The following MARCHF11 variants were observed in gnomAD, a reference collection of about 807,000 sequenced individuals.
MARCHF11 encodes membrane associated ring-CH-type finger 11, also known as E3 ubiquitin-protein ligase MARCHF11.
In MARCHF11, 29 loss-of-function variants were observed where a neutral mutation model predicts 37.3. The observed-to-expected ratio is 0.78, with a 90% CI of 0.58 to 1.06. The LOEUF is 1.06. Ranked by LOEUF, MARCHF11 falls within the 50% of genes least tolerant of loss-of-function variation. The pLI, the probability that MARCHF11 is intolerant of heterozygous loss-of-function variation, is 0.00. For synonymous variants in MARCHF11, 233 were observed against 228.0 expected, an observed-to-expected ratio of 1.02 and a Z score of -0.20; for missense variants, 482 against 533.4, an observed-to-expected ratio of 0.90 and a Z score of 0.95.
At chr5:16,109,613 A>G (rs1737103784) in intron 2 of MARCHF11, among the ~76,000 whole-genome samples, 1 of 152,166 alleles carries the variant, frequency 6.6e-6, no homozygotes, top group South Asian at 2.1e-4. Flanking sequence ...TGTTTCTCTG[A>G]GCTCTGTGAA....
At chr5:16,149,821 G>T (rs1737862289) in intron 2 of MARCHF11, among the ~76,000 whole-genome samples, 1 of 151,988 alleles carries the variant, frequency 6.6e-6, no homozygotes, top group African/African-American at 2.4e-5. Flanking sequence ...TGCACCCGTG[G>T]TACATCCATA....
Position 16,112,856 on chromosome 5 carries a change from C to T in MARCHF11, c.694-21775G>A, listed in dbSNP as rs186465841. On this transcript the variant is annotated intron_variant, in intron 2 of 3. Transcript: ENST00000332432. The stretch of plus-strand genomic sequence containing the variant: ...TGGAGGTGGTTTCCCCCATACTGTT[C>T]TTGTGATAGTGACTAAGTCTCATGG... Among the ~76,000 whole-genome samples the T allele has an allele frequency of 3.1e-3, 465 of 152,184 alleles. 1 individual carries two copies. The highest frequency in any genetic ancestry group is 9.7e-3 in the African/African-American group (403 of 41,514).
chr5:16,135,019 CACACACACAT>C (rs1340527021), intron 2 of MARCHF11, among the ~76,000 whole-genome samples: 1 of 151,992 alleles, frequency 6.6e-6, no homozygotes, highest in African/African-American at 2.4e-5. Flanking sequence ...CACACACACA[CACACACACAT>C]GCAAACACGC....
chr5:16,140,441 C>T (rs1435325625), intron 2 of MARCHF11, among the ~76,000 whole-genome samples: 2 of 152,068 alleles, frequency 1.3e-5, no homozygotes, highest in African/African-American at 4.8e-5. Context: ...AGCTAATTGC[C>T]ACAAATGAAA....
intron 2 of MARCHF11, among the ~76,000 whole-genome samples, chr5:16,159,484 T>G (rs1440562903): frequency 1.3e-5 from 2 of 152,004 alleles, no homozygotes; most frequent in East Asian, 3.9e-4. Flanking sequence ...TCATATTCTC[T>G]GTGCATCAAA....
chr5:16,141,014 A>C (rs1737693159), intron 2 of MARCHF11: 1 of 152,334 alleles, frequency 6.6e-6, no homozygotes, highest in Admixed American at 6.6e-5. Context: ...TCCTAAAGTA[A>C]TGCTGAGGTC....
chr5:16,068,465 C>T (rs1315321520), intron 3 of MARCHF11, among the ~76,000 whole-genome samples: 1 of 152,274 alleles, frequency 6.6e-6, no homozygotes, highest in Non-Finnish European at 1.5e-5. Flanking sequence ...CAGAAACGTG[C>T]TCAAAAACAT....
chr5:16,124,972 T>C (rs1247118625), intron 2 of MARCHF11, among the ~76,000 whole-genome samples: 1 of 151,540 alleles, frequency 6.6e-6, no homozygotes, highest in Non-Finnish European at 1.5e-5. Context: ...CATTATTTTC[T>C]CTAGAAACAT....
intron 3 of MARCHF11, among the ~76,000 whole-genome samples, chr5:16,088,288 C>T (rs1309216534): frequency 6.6e-6 from 1 of 152,210 alleles, no homozygotes; most frequent in Non-Finnish European, 1.5e-5. Context: ...ATTCTAATCA[C>T]TTACTTACCT....
intron 3 of MARCHF11, among the ~76,000 whole-genome samples, chr5:16,083,049 A>G (rs11950274): frequency 0.029 from 4,465 of 152,262 alleles, 211 homozygotes; most frequent in African/African-American, 0.1. Flanking sequence ...AGTGGTAATC[A>G]AATGGTTGGA....
At chr5:16,132,537 A>T (rs1169925219) in intron 2 of MARCHF11, among the ~76,000 whole-genome samples, 1 of 152,194 alleles carries the variant, frequency 6.6e-6, no homozygotes, top group Admixed American at 6.5e-5. Flanking sequence ...TAAAAGGCAA[A>T]CTACCAGGAT....
At chr5:16,161,655 A>T (rs1234629775) in intron 2 of MARCHF11, among the ~76,000 whole-genome samples, 2 of 151,984 alleles carry the variant, frequency 1.3e-5, no homozygotes, top group African/African-American at 4.8e-5. Context: ...CCACACTGAT[A>T]AATGGAAGCC....
Position 16,097,945 on chromosome 5 carries a change from G to A in MARCHF11, c.694-6864C>T, listed in dbSNP as rs941226410. ...ACGGATGAGAAGAAATCCTCTACTA[G>A]ATATTAGCAAATTGAATCCAGCAAT... On this transcript the variant is annotated intron_variant, in intron 2 of 3. Coordinates refer to ENST00000332432, the MANE Select transcript of MARCHF11 (RefSeq NM_001102562.3). Among the ~76,000 whole-genome samples, 37 of 152,124 alleles carry A rather than the reference G, an allele frequency of 2.4e-4. 1 individual carries two copies. The highest frequency in any genetic ancestry group is 8.9e-4 in the African/African-American group (37 of 41,424).
chr5:16,153,635 T>A (rs1737923639), intron 2 of MARCHF11, among the ~76,000 whole-genome samples: 2 of 152,024 alleles, frequency 1.3e-5, no homozygotes, highest in South Asian at 4.1e-4. Flanking sequence ...TTGATGGATG[T>A]ACATATTGAT....
intron 2 of MARCHF11, among the ~76,000 whole-genome samples, chr5:16,109,262 G>T (rs1457514086): frequency 6.6e-6 from 1 of 152,084 alleles, no homozygotes; most frequent in African/African-American, 2.4e-5. Context: ...CTCAGGATGG[G>T]GGTTGGTTGC....
At chr5:16,163,832 C>T (rs1738126285) in intron 2 of MARCHF11, among the ~76,000 whole-genome samples, 1 of 152,026 alleles carries the variant, frequency 6.6e-6, no homozygotes, top group Admixed American at 6.6e-5. Context: ...GCAAAGCTCT[C>T]ACAGATGGGA....
At chr5:16,145,037 C>T (rs369172485) in intron 2 of MARCHF11, among the ~76,000 whole-genome samples, 3 of 152,230 alleles carry the variant, frequency 2.0e-5, no homozygotes, top group African/African-American at 7.2e-5. Context: ...TTAGACATTA[C>T]GGGTTAGTAG....
chr5:16,118,412 G>T (rs568132660), intron 2 of MARCHF11, among the ~76,000 whole-genome samples: 1 of 152,182 alleles, frequency 6.6e-6, no homozygotes, highest in Non-Finnish European at 1.5e-5. Flanking sequence ...TAAGAGGCAG[G>T]GGGGGAATGA....
intron 3 of MARCHF11, among the ~76,000 whole-genome samples, chr5:16,083,910 A>G (rs1314150168): frequency 6.6e-6 from 1 of 152,252 alleles, no homozygotes; most frequent in Admixed American, 6.5e-5. Flanking sequence ...ACTGGTTTTA[A>G]ATAGACAAGT....
Sources: gnomAD v4.1 joint callset for allele counts (sites outside exome capture counted in the v4.1 genomes callset) on GRCh38, gnomAD v4.1.1 for gene constraint, MANE v1.5 for transcripts, NCBI Gene and HGNC (gene_info 2026-07-23, HGNC 2026-07-21) for gene names.